The following SUFU variants were observed in gnomAD, a reference collection of about 807,000 sequenced individuals.
The protein encoded by SUFU is suppressor of fused homolog.
In SUFU, 7 loss-of-function variants were observed where a neutral mutation model predicts 58.9. That is an observed-to-expected ratio of 0.12 (90% CI 0.07 to 0.22). The LOEUF is 0.22. Ranked by LOEUF, SUFU falls within the 10% of genes least tolerant of loss-of-function variation. The pLI, the probability that SUFU is intolerant of heterozygous loss-of-function variation, is 1.00. For synonymous variants in SUFU, 232 were observed against 254.8 expected, an observed-to-expected ratio of 0.91 and a Z score of 0.85; for missense variants, 451 against 641.3, an observed-to-expected ratio of 0.70 and a Z score of 3.20.
At chr10:102,508,365 G>T (rs1042416793) in intron 1 of SUFU, among the ~76,000 whole-genome samples, 2 of 152,116 alleles carry the variant, frequency 1.3e-5, no homozygotes, top group African/African-American at 4.8e-5. Flanking sequence ...AATCTCTTCC[G>T]CAACTCCTTC....
chr10:102,544,028 G>C (rs1249453481), intron 2 of SUFU, among the ~76,000 whole-genome samples: 1 of 152,186 alleles, frequency 6.6e-6, no homozygotes, highest in African/African-American at 2.4e-5. Flanking sequence ...GAACCCAGGA[G>C]GTCATGGCTG....
chr10:102,506,504 A>G (rs1456420785), intron 1 of SUFU, among the ~76,000 whole-genome samples: 2 of 152,078 alleles, frequency 1.3e-5, no homozygotes, highest in African/African-American at 2.4e-5. Flanking sequence ...TCAGCCTCCC[A>G]AGTAGCTGAT....
At chr10:102,561,276 T>A (rs1200703895) in intron 3 of SUFU, among the ~76,000 whole-genome samples, 1 of 152,240 alleles carries the variant, frequency 6.6e-6, no homozygotes, top group Non-Finnish European at 1.5e-5. Flanking sequence ...TAAATTAATA[T>A]GTTATTAAAA....
chr10:102,631,704 G>A lies in SUFU; in HGVS notation c.*1549G>A, dbSNP rs2063838502. ...GATCCAGCCAAAGAGCTGCCCCCAG[G>A]GGTATGAGGGCACCAGCTGGGTTCT... On this transcript the variant is annotated 3_prime_UTR_variant, in exon 12 of 12. Transcript: ENST00000369902. 8.6e-6 allele frequency: 2 copies of A among 233,420 alleles called. No homozygotes were observed. The highest frequency in any genetic ancestry group is 8.5e-6 in the Non-Finnish European group (1 of 118,150). The allele number at this position is 233,420 out of a possible 1,614,324, so 14.5% of individuals were successfully genotyped here. A position where few individuals can be genotyped will look rare whatever the true frequency, so the allele number is the denominator to read the frequency against.
intron 3 of SUFU, chr10:102,579,751 T>G: frequency 7.9e-6 from 7 of 888,914 alleles, no homozygotes; most frequent in African/African-American, 1.8e-5. Context: ...TGCAACCACA[T>G]TTAGCCAAAT....
intron 1 of SUFU, among the ~76,000 whole-genome samples, chr10:102,506,166 G>A (rs1359036897): frequency 6.6e-6 from 1 of 151,470 alleles, no homozygotes; most frequent in South Asian, 2.1e-4. Context: ...TGTCACCCAA[G>A]TAGCCATAAA....
At chr10:102,589,442 C>CTTTTTTTTTTTTTTTTTTTTT (rs747625757) in intron 3 of SUFU, among the ~76,000 whole-genome samples, 1 of 65,358 alleles carries the variant, frequency 1.5e-5, no homozygotes, top group East Asian at 5.3e-4. Context: ...TTCTTTCTTT[C>CTTTTTTTTTTTTTTTTTTTTT]TTTTTTTTTT....
rs147906460 is a variant in SUFU, at chr10:102,600,916, C to G, written c.1022+1372C>G. 2.9e-3 allele frequency among the ~76,000 whole-genome samples: 448 copies of G among 152,328 alleles called. 4 individuals carry two copies. Among genetic ancestry groups the G allele is most frequent in the African/African-American group, 0.01 (431 of 41,572 alleles). ...CCCTGAAGTAGCTGGCTGGAGGCAT[C>G]CTGATCATCCCCTGGCAGCAGCAGA... On this transcript the variant is annotated intron_variant, in intron 8 of 11. Coordinates refer to ENST00000369902, the MANE Select transcript of SUFU (RefSeq NM_016169.4).
chr10:102,618,585 T>C (rs2063709801), intron 10 of SUFU: 1 of 160,126 alleles, frequency 6.2e-6, no homozygotes, highest in African/African-American at 2.4e-5. Context: ...TCTTGCCTTT[T>C]TCCACTGTTG....
At chr10:102,503,547 C>G (rs1234229779), upstream of SUFU, among the ~76,000 whole-genome samples, 1 of 152,134 alleles carries the variant, frequency 6.6e-6, no homozygotes. Flanking sequence ...TCCCCCAGCC[C>G]CCTTGAAATT....
chr10:102,595,815 C>T (rs2063455360), intron 6 of SUFU, among the ~76,000 whole-genome samples: 1 of 152,194 alleles, frequency 6.6e-6, no homozygotes, highest in South Asian at 2.1e-4. Flanking sequence ...GATTCAAGCT[C>T]TACACTAACC....
chr10:102,617,586 G>A lies in SUFU; in HGVS notation c.1296+158G>A, dbSNP rs910800454. The stretch of plus-strand genomic sequence containing the variant: ...CCTGGGGCCTGTGTGTAGGTATGGA[G>A]TGTGGATGCTGCTACCCACTCCAGC... On this transcript the variant is annotated intron_variant, in intron 10 of 11. Coordinates refer to ENST00000369902, the MANE Select transcript of SUFU (RefSeq NM_016169.4). The surrounding 1 kb of genome is among the most constrained non-coding windows in gnomAD (Gnocchi z 4.4). The A allele has an allele frequency of 3.5e-5, 34 of 980,670 alleles. 1 individual carries two copies. Among genetic ancestry groups the A allele is most frequent in the Non-Finnish European group, 5.1e-5 (33 of 644,592 alleles). The allele number at this position is 980,670 out of a possible 1,614,324, so 60.7% of individuals were successfully genotyped here.
At chr10:102,529,055 C>G (rs1225060824) in intron 2 of SUFU, among the ~76,000 whole-genome samples, 1 of 145,960 alleles carries the variant, frequency 6.9e-6, no homozygotes, top group Non-Finnish European at 1.5e-5. Context: ...TAACTGGAGG[C>G]TTAAAAGCTT....
intron 3 of SUFU, among the ~76,000 whole-genome samples, chr10:102,577,080 CTTTTCTTTTTTTT>C (rs1484456138): frequency 7.2e-5 from 7 of 97,086 alleles, no homozygotes; most frequent in African/African-American, 2.1e-4. Context: ...TGGATTTTTT[CTTTTCTTTTTTTT>C]TTTTTTTTGA....
intron 3 of SUFU, among the ~76,000 whole-genome samples, chr10:102,580,821 C>T (rs1040840461): frequency 6.6e-6 from 1 of 152,086 alleles, no homozygotes; most frequent in Non-Finnish European, 1.5e-5. Flanking sequence ...TGGCCTAAAA[C>T]TTTGTAGGCT....
chr10:102,597,402 GT>G (rs2063474693), intron 7 of SUFU, 109 bp downstream of exon 7: 7 of 1,381,010 alleles, frequency 5.1e-6, no homozygotes, highest in Non-Finnish European at 6.8e-6. Flanking sequence ...CCATTCAATA[GT>G]TTATTTCCTG....
chr10:102,505,011 A>C (rs752603409), intron 1 of SUFU, among the ~76,000 whole-genome samples: 7 of 152,106 alleles, frequency 4.6e-5, no homozygotes, highest in Non-Finnish European at 8.8e-5. Context: ...CTCCGTGCAG[A>C]GCTTCCTCCT....
chr10:102,571,975 AAAGCAGCAATG>A (rs2063166375), intron 3 of SUFU, among the ~76,000 whole-genome samples: 1 of 152,184 alleles, frequency 6.6e-6, no homozygotes, highest in Admixed American at 6.5e-5. Context: ...TTGCTTCTTT[AAAGCAGCAATG>A]GAGGAAGAGT....
chr10:102,594,647 C>T (rs2063442325), intron 6 of SUFU, among the ~76,000 whole-genome samples: 1 of 152,242 alleles, frequency 6.6e-6, no homozygotes, highest in Admixed American at 6.5e-5. Flanking sequence ...GACATTGTTT[C>T]AGTGTCATCT....
Sources: gnomAD v4.1 joint callset for allele counts (sites outside exome capture counted in the v4.1 genomes callset) on GRCh38, gnomAD v4.1.1 for gene constraint, Gnocchi (gnomAD v3.1) non-coding constraint, MANE v1.5 for transcripts, NCBI Gene and HGNC (gene_info 2026-07-23, HGNC 2026-07-21) for gene names.